DCAF6: variants seen among roughly 807,000 people sequenced by gnomAD.
DCAF6 encodes DDB1 and CUL4 associated factor 6.
A neutral mutation model predicts 125.1 loss-of-function variants in DCAF6; 54 were observed. That is an observed-to-expected ratio of 0.43 (90% CI 0.35 to 0.54). The LOEUF is 0.54. Among genes scored for constraint, DCAF6 ranks in the 20% least tolerant of loss-of-function variants. DCAF6 has a pLI of 0.01. For synonymous variants in DCAF6, 371 were observed against 390.4 expected, an observed-to-expected ratio of 0.95 and a Z score of 0.58; for missense variants, 934 against 1,161.7, an observed-to-expected ratio of 0.80 and a Z score of 2.85.
the DCAF6 span, chr1:167,883,530 C>G: frequency 6.2e-7 from 1 of 1,614,264 alleles, no homozygotes; most frequent in South Asian, 1.1e-5. Flanking sequence ...CTGGGCCTAT[C>G]TCTTCTGCTT....
At chr1:167,905,086 G>A in the DCAF6 span, 3 of 1,614,196 alleles carry the variant, frequency 1.9e-6, no homozygotes, top group Middle Eastern at 1.6e-4. Flanking sequence ...TCTGGTAAAT[G>A]AGCTGCTATT....
chr1:168,011,717 C>T (rs908718408), intron 10 of DCAF6, among the ~76,000 whole-genome samples: 3 of 152,098 alleles, frequency 2.0e-5, no homozygotes, highest in Non-Finnish European at 2.9e-5. Context: ...GTAGCTCATG[C>T]CTGTAATCCC....
the DCAF6 span, chr1:167,901,734 A>T: frequency 6.2e-7 from 1 of 1,614,180 alleles, no homozygotes; most frequent in East Asian, 2.2e-5. Context: ...TCCAGGCTAC[A>T]TTTAATTACC....
intron 4 of DCAF6, among the ~76,000 whole-genome samples, chr1:167,981,868 A>G (rs930556728): frequency 3.3e-5 from 5 of 152,126 alleles, no homozygotes; most frequent in African/African-American, 7.2e-5. Flanking sequence ...TGGTAGAACA[A>G]TTTGTTTTCT....
the DCAF6 span, among the ~76,000 whole-genome samples, chr1:167,874,642 C>G: frequency 6.6e-6 from 1 of 152,158 alleles, no homozygotes; most frequent in African/African-American, 2.4e-5. Flanking sequence ...TGCATACATG[C>G]ATTCACCAAA....
chr1:167,876,193 G>T, the DCAF6 span, among the ~76,000 whole-genome samples: 3 of 150,252 alleles, frequency 2.0e-5, no homozygotes, highest in Non-Finnish European at 4.4e-5. Context: ...AGAGACAGAG[G>T]TTGCAGTGAG....
upstream of DCAF6, among the ~76,000 whole-genome samples, chr1:167,934,747 G>C (rs1671021959): frequency 6.6e-6 from 1 of 152,158 alleles, no homozygotes; most frequent in African/African-American, 2.4e-5. Context: ...CACTTTTCGG[G>C]TAGCACTTCA....
the DCAF6 span, among the ~76,000 whole-genome samples, chr1:167,908,967 A>G: frequency 6.6e-6 from 1 of 152,238 alleles, no homozygotes; most frequent in Admixed American, 6.5e-5. Flanking sequence ...GTATAGCTTG[A>G]ATTACTCTAA....
chr1:167,904,913 C>T, the DCAF6 span: 3 of 1,601,696 alleles, frequency 1.9e-6, no homozygotes, highest in South Asian at 1.1e-5. Flanking sequence ...CCTCCCTACT[C>T]TGCAATCAAG....
chr1:167,982,250 C>CT (rs564606655), intron 4 of DCAF6, among the ~76,000 whole-genome samples: 2,076 of 148,940 alleles, frequency 0.014, 42 homozygotes, highest in African/African-American at 0.048. Context: ...TTTTTAAGTT[C>CT]TTTTTTTTTT....
chr1:168,045,282 G>T (rs1208498828), intron 16 of DCAF6, 55 bp downstream of exon 16: 1 of 1,466,118 alleles, frequency 6.8e-7, no homozygotes, highest in East Asian at 2.4e-5. Flanking sequence ...ACAAGGATTT[G>T]TTTGAAGTCA....
chr1:167,972,105 C>T (rs1025606010), intron 3 of DCAF6, among the ~76,000 whole-genome samples: 1 of 152,198 alleles, frequency 6.6e-6, no homozygotes, highest in African/African-American at 2.4e-5. Flanking sequence ...ATCCAGCTGC[C>T]TTGGCCTCCC....
intron 16 of DCAF6, among the ~76,000 whole-genome samples, chr1:168,048,502 T>A (rs1689414019): frequency 6.6e-6 from 1 of 152,226 alleles, no homozygotes; most frequent in South Asian, 2.1e-4. Context: ...AGAGTAATGA[T>A]TTTTAAAAAA....
chr1:167,985,759 T>C (rs1679916354), intron 4 of DCAF6, among the ~76,000 whole-genome samples: 1 of 152,150 alleles, frequency 6.6e-6, no homozygotes, highest in African/African-American at 2.4e-5. Context: ...TTAAAAAGTA[T>C]AAAACACCTA....
the DCAF6 span, among the ~76,000 whole-genome samples, chr1:167,907,463 A>G: frequency 6.6e-6 from 1 of 152,200 alleles, no homozygotes; most frequent in African/African-American, 2.4e-5. Flanking sequence ...TCTGGTTGTC[A>G]AGGTAGTGGG....
intron 16 of DCAF6, among the ~76,000 whole-genome samples, chr1:168,048,808 A>C (rs1449567275): frequency 6.6e-6 from 1 of 152,258 alleles, no homozygotes; most frequent in African/African-American, 2.4e-5. Context: ...CATTTAAAAT[A>C]TTAACATTTA....
chr1:167,967,740 T>G (rs1189156838), intron 3 of DCAF6, among the ~76,000 whole-genome samples: 2 of 114,968 alleles, frequency 1.7e-5, no homozygotes, highest in African/African-American at 7.8e-5. Context: ...TTTTTTTTTT[T>G]GTGGCAAGGT....
intron 5 of DCAF6, among the ~76,000 whole-genome samples, chr1:167,989,183 A>T (rs75559713): frequency 0.013 from 1,920 of 152,322 alleles, 42 homozygotes; most frequent in African/African-American, 0.044. Context: ...GAAGCATTGA[A>T]CTAAACTCAG....
intron 10 of DCAF6, among the ~76,000 whole-genome samples, chr1:168,009,345 CCCTTCCTTCCTTCCTT>C (rs199573600): frequency 8.4e-4 from 108 of 127,942 alleles, no homozygotes; most frequent in African/African-American, 1.8e-3. Flanking sequence ...CTTCCTTCCT[CCCTTCCTTCCTTCCTT>C]CCTTCCTTCC....
Sources: allele counts gnomAD v4.1 joint callset (sites outside exome capture counted in the v4.1 genomes callset), GRCh38; gene constraint gnomAD v4.1.1; transcripts MANE v1.5; gene names NCBI Gene and HGNC (gene_info 2026-07-23, HGNC 2026-07-21).